WRN: variants seen among roughly 807,000 people sequenced by gnomAD.
WRN encodes the protein bifunctional 3'-5' exonuclease/ATP-dependent helicase WRN.
In WRN, 149 loss-of-function variants were observed where a neutral mutation model predicts 180.7. That is an observed-to-expected ratio of 0.82 (90% CI 0.72 to 0.94). The LOEUF is 0.94. WRN is among the 40% of genes least tolerant of loss of function. The pLI is 0.00. For missense variants in WRN, 1,661 were observed against 1,700.1 expected (o/e 0.98, Z 0.40); for synonymous variants, 548 against 568.9 (o/e 0.96, Z 0.52).
At chr8:31,101,847 A>G (rs1800883034) in intron 18 of WRN, among the ~76,000 whole-genome samples, 1 of 151,262 alleles carries the variant, frequency 6.6e-6, no homozygotes, top group Admixed American at 6.6e-5. Context: ...CATGATTGGC[A>G]TATTTACATG....
intron 1 of WRN, among the ~76,000 whole-genome samples, chr8:31,037,088 AATAATT>A (rs1008798206): frequency 1.3e-5 from 2 of 152,206 alleles, no homozygotes; most frequent in Admixed American, 1.3e-4. Flanking sequence ...TATATAGTGA[AATAATT>A]ATACAATTCA....
At chr8:31,117,862 C>T (rs1227614725) in intron 20 of WRN, among the ~76,000 whole-genome samples, 2 of 152,086 alleles carry the variant, frequency 1.3e-5, no homozygotes, top group African/African-American at 4.8e-5. Context: ...CCATTCACAG[C>T]TGTTTAGAAT....
chr8:31,148,316 C>T (rs1436884714), intron 30 of WRN, among the ~76,000 whole-genome samples: 1 of 152,140 alleles, frequency 6.6e-6, no homozygotes, highest in Non-Finnish European at 1.5e-5. Context: ...GTTGCAGAAG[C>T]CTCTTAACTA....
In WRN at chr8:31,063,619, A is replaced by G. The variant is rs139612125; in HGVS notation, c.210-670A>G. On this transcript the variant is annotated intron_variant, in intron 3 of 34. Transcript: ENST00000298139. ...CGTGGTATTCTGAAACTTAATTTTTACCAATCAGATAGATGTGAAATCACG... is the reference window on the plus strand; with the variant it reads ...CGTGGTATTCTGAAACTTAATTTTTGCCAATCAGATAGATGTGAAATCACG... 1.5e-4 allele frequency among the ~76,000 whole-genome samples: 23 copies of G among 152,356 alleles called. No individual in the cohort carries two copies. In the East Asian group the frequency reaches 3.7e-3, roughly 24 times the overall value.
At chr8:31,092,699 T>C (rs1004892187) in intron 16 of WRN, among the ~76,000 whole-genome samples, 3 of 151,922 alleles carry the variant, frequency 2.0e-5, no homozygotes, top group Non-Finnish European at 2.9e-5. Flanking sequence ...ACCAAACCTC[T>C]AACAAGATAC....
chr8:31,115,685 A>G (rs1801490906), intron 19 of WRN, among the ~76,000 whole-genome samples: 1 of 152,210 alleles, frequency 6.6e-6, no homozygotes, highest in African/African-American at 2.4e-5. Flanking sequence ...ACTTATGTAA[A>G]TGAATATTTT....
In WRN at chr8:31,116,357, C is replaced by T. The variant is rs970310492; in HGVS notation, c.2277C>T (p.Ser759=). ...DLQPFLVKTS[S]HWEFEGPTII... ...TTTTGTTCTTCTTTTTCTTTAGTTCCCACTGGGAATTTGAAGGTCCAACAA... is the reference window on the plus strand; with the variant it reads ...TTTTGTTCTTCTTTTTCTTTAGTTCTCACTGGGAATTTGAAGGTCCAACAA... Residue 759 remains serine, a synonymous_variant, in exon 20 of 35, where the codon TCC becomes TCT. Coordinates refer to ENST00000298139, the MANE Select transcript of WRN (RefSeq NM_000553.6). 1 of 1,613,494 alleles carries T rather than the reference C, an allele frequency of 6.2e-7. No individual in the cohort carries two copies. The highest frequency in any genetic ancestry group is 1.3e-5 in the African/African-American group (1 of 74,834).
At position 31,102,761 on chromosome 8, in the gene WRN, G is replaced by T. The variant is rs1476473601; in HGVS notation, c.2088+1806G>T. Among the ~76,000 whole-genome samples the T allele has an allele frequency of 3.8e-4, 58 of 152,202 alleles. 1 individual carries two copies. The highest frequency in any genetic ancestry group is 1.0e-4 in the Non-Finnish European group (7 of 68,010). ...GCCTAGGACATTACTGTACACTACTGTAGACTTTATACATATTGTACACTT... is the reference window on the plus strand; with the variant it reads ...GCCTAGGACATTACTGTACACTACTTTAGACTTTATACATATTGTACACTT... On this transcript the variant is annotated intron_variant, in intron 18 of 34. Coordinates refer to ENST00000298139, the MANE Select transcript of WRN (RefSeq NM_000553.6).
At chr8:31,063,672 C>G (rs562765620) in intron 3 of WRN, among the ~76,000 whole-genome samples, 3 of 152,156 alleles carry the variant, frequency 2.0e-5, no homozygotes, top group Non-Finnish European at 4.4e-5. Context: ...TCTTTGACTT[C>G]TAGTGAGAAG....
intron 21 of WRN, among the ~76,000 whole-genome samples, chr8:31,121,193 A>G (rs1260727725): frequency 1.3e-5 from 2 of 151,980 alleles, no homozygotes; most frequent in Non-Finnish European, 2.9e-5. Context: ...AAACCTATAC[A>G]TGGTAACCAA....
At chr8:31,058,700 G>A (rs1013714904) in intron 2 of WRN, among the ~76,000 whole-genome samples, 157 bp downstream of exon 2, 1 of 152,134 alleles carries the variant, frequency 6.6e-6, no homozygotes, top group East Asian at 1.9e-4. Flanking sequence ...GGGTAAACTG[G>A]AATAAACTTT....
intron 24 of WRN, among the ~76,000 whole-genome samples, chr8:31,133,881 G>T (rs961225647): frequency 6.6e-6 from 1 of 152,030 alleles, no homozygotes; most frequent in Non-Finnish European, 1.5e-5. Flanking sequence ...TTTTAATTTG[G>T]TGTAATCCAG....
intron 3 of WRN, among the ~76,000 whole-genome samples, chr8:31,060,546 C>G (rs1812449809): frequency 6.6e-6 from 1 of 152,070 alleles, no homozygotes; most frequent in African/African-American, 2.4e-5. Flanking sequence ...CTCAAACAGA[C>G]AAACAAACAA....
chr8:31,102,401 G>A (rs1800911433), intron 18 of WRN, among the ~76,000 whole-genome samples: 1 of 152,154 alleles, frequency 6.6e-6, no homozygotes, highest in Non-Finnish European at 1.5e-5. Flanking sequence ...GATATGTTCT[G>A]AGAAATGTGT....
At chr8:31,143,669 CT>C in intron 28 of WRN, 46 bp downstream of exon 28, 18 of 1,359,936 alleles carry the variant, frequency 1.3e-5, no homozygotes, top group South Asian at 2.5e-5. Flanking sequence ...TTTATGAGTA[CT>C]TTTTTTTCTA....
At chr8:31,076,124 A>C (rs1344312283) in intron 7 of WRN, 49 bp from the exon 8 acceptor site, 2 of 1,430,306 alleles carry the variant, frequency 1.4e-6, no homozygotes, top group East Asian at 2.3e-5. Context: ...CTAAATGAAT[A>C]TCTCTGCTTT....
chr8:31,125,998 A>ATATATATATATATATATATATATC (rs1267704813), intron 23 of WRN, among the ~76,000 whole-genome samples: 1 of 145,378 alleles, frequency 6.9e-6, no homozygotes, highest in African/African-American at 2.6e-5. Context: ...ATATATATAT[A>ATATATATATATATATATATATATC]TCTACTTAAC....
intron 17 of WRN, among the ~76,000 whole-genome samples, chr8:31,097,415 T>C (rs1298229749): frequency 2.0e-5 from 3 of 152,168 alleles, no homozygotes; most frequent in Admixed American, 6.6e-5. Context: ...GATTCTGATA[T>C]ATAGCCCGGG....
rs1585422661 is a variant in WRN at position 31,076,967 on chromosome 8, G to A, written c.839+680G>A. On this transcript the variant is annotated intron_variant, in intron 8 of 34. Transcript: ENST00000298139. ...TGACTTCCTTATTAAATCTCTAAAA[G>A]CAGGAATGCTCTGGAACAATGAACA... 2.0e-5 allele frequency among the ~76,000 whole-genome samples: 3 copies of A among 152,272 alleles called. No homozygotes were observed. The South Asian group carries it at 6.2e-4, about 32-fold the overall frequency.
Sources: allele counts gnomAD v4.1 joint callset (sites outside exome capture counted in the v4.1 genomes callset), GRCh38; gene constraint gnomAD v4.1.1; transcripts MANE v1.5; gene names NCBI Gene and HGNC (gene_info 2026-07-23, HGNC 2026-07-21).